HEMK2: variants seen among roughly 807,000 people sequenced by gnomAD.
HEMK2 encodes methyltransferase HEMK2.
the HEMK2 span, among the ~76,000 whole-genome samples, chr21:28,634,824 GTGAC>G: frequency 6.6e-6 from 1 of 152,180 alleles, no homozygotes; most frequent in Non-Finnish European, 1.5e-5. Context: ...TTCTAGCTCA[GTGAC>G]TGACACATAT....
the HEMK2 span, among the ~76,000 whole-genome samples, chr21:28,665,338 T>A: frequency 1.9e-3 from 182 of 96,006 alleles, 2 homozygotes; most frequent in African/African-American, 9.0e-3. Flanking sequence ...ATATTTCTTT[T>A]TTTTTTTTTT....
the HEMK2 span, among the ~76,000 whole-genome samples, chr21:28,715,264 T>C: frequency 6.6e-6 from 1 of 152,186 alleles, no homozygotes; most frequent in South Asian, 2.1e-4. Context: ...CAGCAGTGTG[T>C]AAGCATTCTC....
the HEMK2 span, among the ~76,000 whole-genome samples, chr21:28,676,660 C>CTCCTCT: frequency 6.6e-6 from 1 of 152,188 alleles, no homozygotes; most frequent in South Asian, 2.1e-4. Context: ...AGCCTGGCCC[C>CTCCTCT]TCCTCTTCCT....
the HEMK2 span, among the ~76,000 whole-genome samples, chr21:28,770,447 C>T: frequency 2.0e-5 from 3 of 152,060 alleles, no homozygotes; most frequent in African/African-American, 7.2e-5. Context: ...AGGATATGTC[C>T]AGTATCTTTA....
At chr21:28,588,940 G>A in the HEMK2 span, among the ~76,000 whole-genome samples, 1 of 142,956 alleles carries the variant, frequency 7.0e-6, no homozygotes, top group Non-Finnish European at 1.5e-5. Flanking sequence ...CAGATATCAC[G>A]CCACTGCACT....
At chr21:28,771,031 C>T in the HEMK2 span, among the ~76,000 whole-genome samples, 1 of 152,088 alleles carries the variant, frequency 6.6e-6, no homozygotes, top group African/African-American at 2.4e-5. Flanking sequence ...GCGCAACTTA[C>T]TGGAATTTAT....
At chr21:28,725,867 T>C in the HEMK2 span, among the ~76,000 whole-genome samples, 1 of 152,222 alleles carries the variant, frequency 6.6e-6, no homozygotes, top group African/African-American at 2.4e-5. Context: ...TCAGTTTAAG[T>C]AGTTGCTAAA....
chr21:28,612,978 A>G, the HEMK2 span, among the ~76,000 whole-genome samples: 1 of 152,180 alleles, frequency 6.6e-6, no homozygotes, highest in African/African-American at 2.4e-5. Flanking sequence ...ATAGATGGGT[A>G]GAATCAATAT....
chr21:28,834,338 A>C, the HEMK2 span, among the ~76,000 whole-genome samples: 2 of 152,160 alleles, frequency 1.3e-5, no homozygotes, highest in Non-Finnish European at 2.9e-5. Flanking sequence ...GAGTGCCCCA[A>C]CCTTGGAAGC....
the HEMK2 span, among the ~76,000 whole-genome samples, chr21:28,709,099 T>C: frequency 6.6e-6 from 1 of 152,148 alleles, no homozygotes; most frequent in Non-Finnish European, 1.5e-5. Context: ...GGGTCCCTTC[T>C]ATAAGGGCAC....
the HEMK2 span, among the ~76,000 whole-genome samples, chr21:28,823,666 T>G: frequency 6.6e-6 from 1 of 152,198 alleles, no homozygotes. Context: ...TTACCTTGTC[T>G]GTATCAGACT....
chr21:28,618,063 C>G, the HEMK2 span, among the ~76,000 whole-genome samples: 10 of 152,164 alleles, frequency 6.6e-5, no homozygotes, highest in African/African-American at 2.4e-4. Flanking sequence ...GCTGAGGTTA[C>G]AGGTGTGAGC....
At chr21:28,752,104 A>G in the HEMK2 span, among the ~76,000 whole-genome samples, 1 of 152,262 alleles carries the variant, frequency 6.6e-6, no homozygotes, top group Admixed American at 6.5e-5. Flanking sequence ...TAAAATCTCT[A>G]AAATTAAAGT....
the HEMK2 span, among the ~76,000 whole-genome samples, chr21:28,834,487 G>A: frequency 0.025 from 3,815 of 152,314 alleles, 125 homozygotes; most frequent in East Asian, 0.14. Context: ...AGAGGAAGTG[G>A]CAGAAAGGCT....
chr21:28,647,446 T>C, the HEMK2 span, among the ~76,000 whole-genome samples: 2 of 143,734 alleles, frequency 1.4e-5, no homozygotes, highest in African/African-American at 5.2e-5. Context: ...AGGCAGAGGT[T>C]GCAGTGAGCT....
the HEMK2 span, among the ~76,000 whole-genome samples, chr21:28,866,175 A>AAAAAAAC: frequency 0.017 from 1,295 of 76,108 alleles, 361 homozygotes; most frequent in South Asian, 0.053. Flanking sequence ...CAAAAAAAAA[A>AAAAAAAC]ACACACACAC....
the HEMK2 span, chr21:28,879,817 T>C: frequency 7.3e-7 from 1 of 1,362,880 alleles, no homozygotes; most frequent in Non-Finnish European, 1.0e-6. Context: ...CATTTGATTT[T>C]ACAAACAAAA....
At chr21:28,831,458 A>AGAAC in the HEMK2 span, among the ~76,000 whole-genome samples, 407 of 37,474 alleles carry the variant, frequency 0.011, 31 homozygotes, top group African/African-American at 0.054. Flanking sequence ...AAGAAAGAAA[A>AGAAC]GAACGAAAGA....
the HEMK2 span, among the ~76,000 whole-genome samples, chr21:28,731,037 T>C: frequency 3.3e-5 from 5 of 152,054 alleles, no homozygotes; most frequent in South Asian, 1.0e-3. Flanking sequence ...GAGGATGGGA[T>C]ACACAGCACA....
Sources: gnomAD v4.1 joint callset for allele counts (sites outside exome capture counted in the v4.1 genomes callset) on GRCh38, gnomAD v4.1.1 for gene constraint, MANE v1.5 for transcripts, NCBI Gene and HGNC (gene_info 2026-07-23, HGNC 2026-07-21) for gene names.